Variants in CFHR5 observed in about 807,000 individuals in gnomAD.
The protein encoded by CFHR5 is complement factor H-related protein 5.
CFHR5 carries 73 observed loss-of-function variants against 62.9 expected under a neutral mutation model. The ratio of observed to expected loss-of-function variants is 1.16; its 90% CI spans 0.96 to 1.41. The LOEUF (loss-of-function observed/expected upper bound fraction) is 1.41. Among genes scored for constraint, CFHR5 ranks in the 40% most tolerant of loss-of-function variants. The pLI is 0.00. For synonymous variants in CFHR5, 249 were observed against 227.2 expected (o/e 1.10, Z -0.86); for missense variants, 779 against 679.9 (o/e 1.15, Z -1.62).
Position 196,977,674 on chromosome 1 carries a change from T to C in CFHR5, c.10T>C (p.Leu4=), listed in dbSNP as rs1172416045. The C allele has an allele frequency of 2.5e-6, 4 of 1,612,640 alleles. No individual in the cohort carries two copies. The highest frequency in any genetic ancestry group is 2.2e-5 in the South Asian group (2 of 90,998). The change falls in exon 1 of 10, where the codon TTA becomes CTA. Residue 4 remains leucine (L), a synonymous_variant. Transcript: ENST00000256785. The part of the protein sequence containing the change: MLL[L]FSVILISWVS... ...ATTGAGACTACCAAGCATGTTGCTC[T>C]TATTCAGTGTAATCCTAATCTCATG...
At position 197,008,575 on chromosome 1, in the gene CFHR5, G is replaced by C. The variant is rs774720562; in HGVS notation, c.1602G>C (p.Gly534=). 6.2e-7 allele frequency: 1 copy of C among 1,613,396 alleles called. No individual in the cohort carries two copies. Among genetic ancestry groups the C allele is most frequent in the Non-Finnish European group, 8.5e-7 (1 of 1,179,492 alleles). The change falls in exon 10 of 10, where the codon GGG becomes GGC. Residue 534 remains glycine, a synonymous_variant. Transcript: ENST00000256785. ...RNDGKLYAKT[G]DAVEFQCKFP... ...ATGGAAAACTCTATGCAAAAACAGGGGATGCTGTTGAATTCCAGTGTAAAT... is the reference window on the plus strand; with the variant it reads ...ATGGAAAACTCTATGCAAAAACAGGCGATGCTGTTGAATTCCAGTGTAAAT...
At chr1:196,980,591 CGTGTGTGTGTGT>C (rs57437038) in intron 1 of CFHR5, among the ~76,000 whole-genome samples, 9 of 145,440 alleles carry the variant, frequency 6.2e-5, no homozygotes, top group East Asian at 4.0e-4. Context: ...TGTATATATA[CGTGTGTGTGTGT>C]GTGTGTGTGT....
intron 3 of CFHR5, among the ~76,000 whole-genome samples, chr1:196,985,155 A>G (rs936314005): frequency 1.6e-4 from 24 of 152,142 alleles, no homozygotes; most frequent in Admixed American, 5.9e-4. Context: ...GGTTTTTCAA[A>G]AGATGTTATG....
chr1:196,994,547 T>G (rs1653939060), intron 4 of CFHR5, among the ~76,000 whole-genome samples: 1 of 152,210 alleles, frequency 6.6e-6, no homozygotes, highest in African/African-American at 2.4e-5. Flanking sequence ...ATAAAAAATT[T>G]ATACTTTTTA....
At chr1:196,987,223 G>A (rs1219998949) in intron 3 of CFHR5, among the ~76,000 whole-genome samples, 2 of 151,694 alleles carry the variant, frequency 1.3e-5, no homozygotes, top group Non-Finnish European at 2.9e-5. Flanking sequence ...GTTTTTTCTT[G>A]TAGATTTGTT....
chr1:196,983,188 C>A (rs542399652), intron 2 of CFHR5, 109 bp downstream of exon 2: 1 of 1,455,174 alleles, frequency 6.9e-7, no homozygotes, highest in Non-Finnish European at 9.6e-7. Context: ...ACCAGAGGAG[C>A]TGGAAAAATG....
At chr1:196,986,062 C>A (rs990461370) in intron 3 of CFHR5, among the ~76,000 whole-genome samples, 1 of 152,158 alleles carries the variant, frequency 6.6e-6, no homozygotes, top group African/African-American at 2.4e-5. Flanking sequence ...AGTAGATGGA[C>A]AGATGGACCA....
chr1:196,989,583 T>A (rs1653786725), intron 3 of CFHR5, among the ~76,000 whole-genome samples: 1 of 152,166 alleles, frequency 6.6e-6, no homozygotes, highest in East Asian at 1.9e-4. Context: ...TTGTTCTCCT[T>A]GGTTTCAAAG....
intron 6 of CFHR5, 62 bp downstream of exon 6, chr1:196,996,263 A>C (rs534263421): frequency 7.4e-7 from 1 of 1,344,396 alleles, no homozygotes; most frequent in South Asian, 1.2e-5. Flanking sequence ...GATTGTATAA[A>C]GTGTATAAAT....
At chr1:196,975,290 T>C (rs890922842), upstream of CFHR5, among the ~76,000 whole-genome samples, 5 of 152,206 alleles carry the variant, frequency 3.3e-5, no homozygotes, top group African/African-American at 1.2e-4. Flanking sequence ...GGAGTCATCG[T>C]ATTATAAAAT....
At chr1:196,994,380 G>T in intron 4 of CFHR5, 124 bp downstream of exon 4, 1 of 794,616 alleles carries the variant, frequency 1.3e-6, no homozygotes, top group Admixed American at 2.1e-5. Flanking sequence ...AAAGGAGAAA[G>T]GATGCAGTTC....
At chr1:196,997,459 C>T (rs533749152) in intron 6 of CFHR5, among the ~76,000 whole-genome samples, 1 of 152,214 alleles carries the variant, frequency 6.6e-6, no homozygotes, top group African/African-American at 2.4e-5. Flanking sequence ...TTATCCCATC[C>T]TTTTACACAC....
At chr1:196,992,187 C>T (rs1653864558) in intron 3 of CFHR5, among the ~76,000 whole-genome samples, 2 of 152,184 alleles carry the variant, frequency 1.3e-5, no homozygotes, top group African/African-American at 4.8e-5. Context: ...GGCGTGGTAA[C>T]TGCCAAGCCA....
At chr1:197,008,175 T>C (rs898020023) in intron 9 of CFHR5, among the ~76,000 whole-genome samples, 10 of 151,184 alleles carry the variant, frequency 6.6e-5, no homozygotes, top group Non-Finnish European at 1.2e-4. Context: ...GCTGGTAGAA[T>C]TTTTAGTAAA....
At chr1:196,987,336 C>A (rs1653719325) in intron 3 of CFHR5, among the ~76,000 whole-genome samples, 1 of 151,914 alleles carries the variant, frequency 6.6e-6, no homozygotes, top group South Asian at 2.1e-4. Context: ...ATGGTAGTTT[C>A]TTTTGCTGTG....
At chr1:196,983,707 C>T (rs1653602750) in intron 2 of CFHR5, among the ~76,000 whole-genome samples, 1 of 151,878 alleles carries the variant, frequency 6.6e-6, no homozygotes, top group Non-Finnish European at 1.5e-5. Flanking sequence ...TGTTTTGGTG[C>T]TAGAAGAGTT....
Position 196,995,774 on chromosome 1 carries a change from T to C in CFHR5, c.665T>C (p.Ile222Thr), listed in dbSNP as rs780116839. Residue 222 changes from isoleucine to threonine, a missense_variant, in exon 5 of 10, where the codon ATA (isoleucine) becomes ACA (threonine). Ile to Thr is a moderately conservative substitution (Grantham distance 89, BLOSUM62 -1). Coordinates refer to ENST00000256785, the MANE Select transcript of CFHR5 (RefSeq NM_030787.4). Reference sequence around the variant, plus strand: ...CTCTCCAATGGTGAAGTTAAGGAGATAAGAAAAGAGGAATATGGACACAAT... The same window carrying C: ...CTCTCCAATGGTGAAGTTAAGGAGACAAGAAAAGAGGAATATGGACACAAT... ...PQLSNGEVKE[I>T]RKEEYGHNEV... The C allele has an allele frequency of 1.6e-4, 253 of 1,613,198 alleles. No homozygotes were observed. Among genetic ancestry groups the C allele is most frequent in the Non-Finnish European group, 2.1e-4 (249 of 1,179,410 alleles).
chr1:196,990,995 G>A (rs1653832627), intron 3 of CFHR5, among the ~76,000 whole-genome samples: 1 of 151,682 alleles, frequency 6.6e-6, no homozygotes, highest in Non-Finnish European at 1.5e-5. Context: ...CTCACTTTCA[G>A]GTACAGCAAT....
rs1214775950 is a variant in CFHR5, at chr1:197,000,737, C to T, written c.1148-1745C>T. Reference sequence around the variant, plus strand: ...CTCATTCAAAAGAGTCTTGATGATACTCAATAAGTATTCATCTTTGTGACT... The same window carrying T: ...CTCATTCAAAAGAGTCTTGATGATATTCAATAAGTATTCATCTTTGTGACT... On this transcript the variant is annotated intron_variant, in intron 7 of 9. Transcript: ENST00000256785. Among the ~76,000 whole-genome samples, 3 of 152,072 alleles carry T rather than the reference C, an allele frequency of 2.0e-5. No homozygotes were observed. In the South Asian group the frequency reaches 6.2e-4, roughly 32 times the overall value.
Sources: allele counts gnomAD v4.1 joint callset (sites outside exome capture counted in the v4.1 genomes callset), GRCh38; gene constraint gnomAD v4.1.1; transcripts MANE v1.5; gene names NCBI Gene and HGNC (gene_info 2026-07-23, HGNC 2026-07-21).